Variants in ECPAS observed in about 807,000 individuals in gnomAD.
ECPAS encodes proteasome adapter and scaffold protein ECM29.
In ECPAS, 70 loss-of-function variants were observed where a neutral mutation model predicts 255.1. The observed-to-expected ratio is 0.27, with a 90% CI of 0.23 to 0.33. The LOEUF (loss-of-function observed/expected upper bound fraction) is 0.33. Among genes scored for constraint, ECPAS ranks in the 10% least tolerant of loss-of-function variants. The probability of loss-of-function intolerance (pLI) is 1.00; values close to 1 mark genes in which losing one functional copy is unlikely to be tolerated. For missense variants in ECPAS, 1,817 were observed against 2,206.4 expected (o/e 0.82, Z 3.54); for synonymous variants, 784 against 775.0 (o/e 1.01, Z -0.19).
rs192161382 is a variant in ECPAS at position 111,419,589 on chromosome 9, T to C, written c.1559+428A>G. Among the ~76,000 whole-genome samples the C allele has an allele frequency of 1.8e-3, 279 of 151,878 alleles. 4 individuals are homozygous for C. The highest frequency in any genetic ancestry group is 5.9e-3 in the African/African-American group (246 of 41,488). On this transcript the variant is annotated intron_variant, in intron 16 of 49. Transcript: ENST00000684092. ...ACTTATACCTCATTTAAAAATATAT[T>C]AGATATAAAATGATACTCCATATTT...
chr9:111,387,906 T>C (rs1382959194), intron 31 of ECPAS, among the ~76,000 whole-genome samples: 1 of 152,160 alleles, frequency 6.6e-6, no homozygotes, highest in Non-Finnish European at 1.5e-5. Context: ...GTCTCACTCA[T>C]CATCAGTGCA....
chr9:111,444,289 C>A, intron 4 of ECPAS, 89 bp downstream of exon 4: 2 of 831,070 alleles, frequency 2.4e-6, no homozygotes, highest in East Asian at 2.6e-5. Flanking sequence ...AGGTGAAATT[C>A]TAAACTTGCC....
Position 111,413,984 on chromosome 9 carries a change from A to C in ECPAS, c.1990T>G (p.Leu664Val). 2 of 1,568,360 alleles carry C rather than the reference A, an allele frequency of 1.3e-6. No individual in the cohort carries two copies. The highest frequency in any genetic ancestry group is 1.2e-5 in the South Asian group (1 of 84,172). Residue 664 changes from leucine to valine, a missense_variant and splice_region_variant, in exon 20 of 50, where the codon TTG becomes GTG. Leu to Val is a conservative substitution (Grantham distance 32). Around this residue, in one of 4 missense-constraint regions of ECPAS, gnomAD observed 573 missense variants for 716.2 expected, o/e 0.80. Coordinates refer to ENST00000684092, the MANE Select transcript of ECPAS (RefSeq NM_001364929.1). ...TCCAATAGACAGTACATAACCGGCAAACCTAAATAAGAATTCAGAATCACC... is the reference window on the plus strand; with the variant it reads ...TCCAATAGACAGTACATAACCGGCACACCTAAATAAGAATTCAGAATCACC... ...LQQLLAGVGG[L>V]PVMYCLLEAV...
At position 111,416,314 on chromosome 9, in the gene ECPAS, G is replaced by A. The variant is rs200785736; in HGVS notation, c.1722C>T (p.Thr574=). 5.9e-4 allele frequency: 951 copies of A among 1,613,552 alleles called. 15 individuals are homozygous for A. In the South Asian group the frequency reaches 9.6e-3, roughly 16 times the overall value. The part of the protein sequence containing the change: ...HRMKTPVKYM[T]GTTVLPFNPA... ...GGTTAAATGGAAGGACAGTGGTCCC[G>A]GTCATGTACTTGACTGGAGTTTTCA... The change falls in exon 18 of 50, where the codon ACC becomes ACT. Residue 574 remains threonine, a synonymous_variant. Transcript: ENST00000684092.
At chr9:111,410,293 T>G in intron 22 of ECPAS, 80 bp from the exon 23 acceptor site, 1 of 1,230,188 alleles carries the variant, frequency 8.1e-7, no homozygotes, top group Non-Finnish European at 1.1e-6. Flanking sequence ...TACTCAAGGT[T>G]TTTTTTAAGA....
intron 12 of ECPAS, 67 bp from the exon 13 acceptor site, chr9:111,423,315 A>G (rs1180056464): frequency 9.1e-7 from 1 of 1,099,290 alleles, no homozygotes; most frequent in Non-Finnish European, 1.3e-6. Flanking sequence ...AAAATACAGT[A>G]AACAGTAAAA....
At chr9:111,434,393 T>C (rs2098234598) in intron 7 of ECPAS, among the ~76,000 whole-genome samples, 1 of 152,152 alleles carries the variant, frequency 6.6e-6, no homozygotes, top group African/African-American at 2.4e-5. Flanking sequence ...ACATATCACA[T>C]ATAATTGTAA....
intron 3 of ECPAS, among the ~76,000 whole-genome samples, chr9:111,447,715 A>G (rs1471230261): frequency 6.6e-6 from 1 of 152,046 alleles, no homozygotes; most frequent in East Asian, 1.9e-4. Flanking sequence ...ATGCACAAAT[A>G]AAAATGCTAT....
At chr9:111,468,128 C>G (rs968968592) in intron 2 of ECPAS, among the ~76,000 whole-genome samples, 1 of 152,052 alleles carries the variant, frequency 6.6e-6, no homozygotes, top group African/African-American at 2.4e-5. Context: ...TCAGCCTGGG[C>G]ATCAGAACAA....
At position 111,433,265 on chromosome 9, in the gene ECPAS, C is replaced by T. The variant is rs368639441; in HGVS notation, c.816G>A (p.Thr272=). The T allele has an allele frequency of 8.1e-6, 13 of 1,613,814 alleles. No homozygotes were observed. Among genetic ancestry groups the T allele is most frequent in the Non-Finnish European group, 1.0e-5 (12 of 1,179,854 alleles). Residue 272 remains threonine, a synonymous_variant, in exon 8 of 50, where the codon ACG becomes ACA. Transcript: ENST00000684092. ...ASSDTRHSVA[T]AADLELKSKQ... ...TGCTTTTCAATTCCAGGTCTGCTGCCGTTGCCACACTGTGGCGTGTATCAC... is the reference window on the plus strand; with the variant it reads ...TGCTTTTCAATTCCAGGTCTGCTGCTGTTGCCACACTGTGGCGTGTATCAC...
At chr9:111,416,793 C>G (rs2131759184) in intron 17 of ECPAS, among the ~76,000 whole-genome samples, 1 of 152,230 alleles carries the variant, frequency 6.6e-6, no homozygotes, top group South Asian at 2.1e-4. Flanking sequence ...GCTAGGATCA[C>G]CAGTGGAGGT....
At position 111,362,074 on chromosome 9, in the gene ECPAS, C is replaced by G. The variant is rs1308793170; in HGVS notation, c.5476G>C (p.Glu1826Gln). 1.2e-6 allele frequency: 2 copies of G among 1,612,556 alleles called. No homozygotes were observed. The highest frequency in any genetic ancestry group is 8.5e-7 in the Non-Finnish European group (1 of 1,179,264). ...MEPDSRPELQ[E>Q]KAALLKKTLE... ...GTTTTCTTCAGTAACGCTGCTTTCT[C>G]CTGCAGTTCAGGTCTGCTGTCTGGC... Residue 1826 changes from glutamate (E) to glutamine (Q), a missense_variant, in exon 50 of 50, where the codon GAG becomes CAG. Physicochemically the swap from Glu to Gln is conservative, Grantham distance 29 (BLOSUM62 2). Transcript: ENST00000684092.
At chr9:111,420,701 CT>C (rs1258374728) in intron 15 of ECPAS, among the ~76,000 whole-genome samples, 1 of 152,144 alleles carries the variant, frequency 6.6e-6, no homozygotes, top group Non-Finnish European at 1.5e-5. Context: ...GTTTTAGAAT[CT>C]ACTGATCCTG....
At chr9:111,479,980 CAAAAAAAAAAA>C (rs55754008) in intron 1 of ECPAS, among the ~76,000 whole-genome samples, 1 of 79,590 alleles carries the variant, frequency 1.3e-5, no homozygotes, top group East Asian at 3.1e-4. Context: ...AACTCCGTCT[CAAAAAAAAAAA>C]AAAAAAACTT....
intron 34 of ECPAS, 78 bp from the exon 35 acceptor site, chr9:111,383,410 A>C (rs1311462829): frequency 6.7e-7 from 1 of 1,496,724 alleles, no homozygotes; most frequent in Non-Finnish European, 9.0e-7. Flanking sequence ...AAGACTTTCT[A>C]CTTCACATAT....
intron 31 of ECPAS, among the ~76,000 whole-genome samples, chr9:111,389,083 G>C (rs1171986654): frequency 6.6e-6 from 1 of 152,218 alleles, no homozygotes; most frequent in African/African-American, 2.4e-5. Context: ...GAGAGCAAAA[G>C]ATACTCAGAG....
Position 111,372,581 on chromosome 9 carries a change from G to A in ECPAS, c.4376C>T (p.Ala1459Val). 1 of 1,613,390 alleles carries A rather than the reference G, an allele frequency of 6.2e-7. No individual in the cohort carries two copies. Among genetic ancestry groups the A allele is most frequent in the Non-Finnish European group, 8.5e-7 (1 of 1,179,624 alleles). The change falls in exon 42 of 50, where the codon GCT (alanine) becomes GTT (valine). Residue 1459 changes from alanine to valine, a missense_variant. This residue lies in a region of ECPAS where 960 missense variants were observed against 1,179.0 expected (regional missense o/e 0.81). Transcript: ENST00000684092. ...YKTSCALTIHAIGRYSPDVLK... is the reference protein window; with the variant it reads ...YKTSCALTIHVIGRYSPDVLK... ...TACATCAGGGCTGTATCGTCCAATA[G>A]CATGAATAGTCAAAGCACAAGAGGT...
chr9:111,479,792 A>G (rs1289253422), intron 1 of ECPAS, among the ~76,000 whole-genome samples: 1 of 152,084 alleles, frequency 6.6e-6, no homozygotes, highest in East Asian at 1.9e-4. Flanking sequence ...CAACCTGGCC[A>G]AGATGGTGAA....
At chr9:111,452,458 T>C (rs1200063271) in intron 2 of ECPAS, among the ~76,000 whole-genome samples, 2 of 152,236 alleles carry the variant, frequency 1.3e-5, no homozygotes, top group East Asian at 3.8e-4. Flanking sequence ...GGAATCTTTT[T>C]TTAGAGATAA....
Sources: gnomAD v4.1 joint callset for allele counts (sites outside exome capture counted in the v4.1 genomes callset) on GRCh38, gnomAD v4.1.1 for gene constraint, gnomAD v4.1.1 regional missense constraint, MANE v1.5 for transcripts, NCBI Gene and HGNC (gene_info 2026-07-23, HGNC 2026-07-21) for gene names.